The following RPTOR variants were observed in gnomAD, a reference collection of about 807,000 sequenced individuals.
RPTOR encodes the protein regulatory associated protein of MTOR complex 1.
RPTOR carries 21 observed loss-of-function variants against 169.9 expected under a neutral mutation model. That is an observed-to-expected ratio of 0.12 (90% CI 0.09 to 0.18). The LOEUF (loss-of-function observed/expected upper bound fraction) is 0.18. Among genes scored for constraint, RPTOR ranks in the 10% least tolerant of loss-of-function variants. The pLI, the probability that RPTOR is intolerant of heterozygous loss-of-function variation, is 1.00. For synonymous variants in RPTOR, 732 were observed against 753.2 expected (o/e 0.97, Z 0.46); for missense variants, 1,133 against 1,855.9 (o/e 0.61, Z 7.16).
At chr17:80,948,254 T>C (rs369557530) in intron 27 of RPTOR, among the ~76,000 whole-genome samples, 11 of 152,266 alleles carry the variant, frequency 7.2e-5, no homozygotes, top group African/African-American at 2.7e-4. Context: ...CGCAGCCCTC[T>C]CAACGCGGTT....
At chr17:80,732,326 T>A (rs1015497004) in intron 5 of RPTOR, among the ~76,000 whole-genome samples, 1 of 152,162 alleles carries the variant, frequency 6.6e-6, no homozygotes, top group African/African-American at 2.4e-5. Context: ...CCGCTCCCCT[T>A]TCAGCAGAAG....
chr17:80,665,589 G>C (rs557962957), intron 3 of RPTOR, among the ~76,000 whole-genome samples: 11 of 149,396 alleles, frequency 7.4e-5, no homozygotes, highest in African/African-American at 2.5e-4. Context: ...CTGTCACCCA[G>C]GCTGGAGTGC....
At position 80,892,868 on chromosome 17, in the gene RPTOR, A is replaced by G. The variant is rs1354013594; in HGVS notation, c.2241A>G (p.Glu747=). Residue 747 remains glutamate, a splice_region_variant and synonymous_variant, in exon 19 of 34, where the codon GAA becomes GAG. Coordinates refer to ENST00000306801, the MANE Select transcript of RPTOR (RefSeq NM_020761.3). ...TGCAGAACCTGAGTTTGACAGAGGA[A>G]TGTAAGATCCTGGAAATCGGGTTAT... ...KSLQNLSLTE[E]SGGAVAFSPG... is the part of the protein sequence containing the mutation. 3 of 1,613,408 alleles carry G rather than the reference A, an allele frequency of 1.9e-6. No homozygotes were observed. In the East Asian group the frequency reaches 6.7e-5, roughly 36 times the overall value.
At chr17:80,749,637 C>T (rs1167295127) in intron 5 of RPTOR, among the ~76,000 whole-genome samples, 3 of 152,106 alleles carry the variant, frequency 2.0e-5, no homozygotes, top group African/African-American at 7.2e-5. Flanking sequence ...GCCTGCTGCT[C>T]AGTTCTCAGG....
intron 5 of RPTOR, among the ~76,000 whole-genome samples, chr17:80,742,572 A>G (rs566270097): frequency 7.0e-6 from 1 of 142,080 alleles, no homozygotes; most frequent in South Asian, 2.2e-4. Flanking sequence ...ATGTATGCAC[A>G]CACATAGACA....
chr17:80,947,170 G>C lies in RPTOR; in HGVS notation c.3141-57G>C. 1 of 1,486,624 alleles carries C rather than the reference G, an allele frequency of 6.7e-7. No homozygotes were observed. Among genetic ancestry groups the C allele is most frequent in the Non-Finnish European group, 9.0e-7 (1 of 1,117,082 alleles). The allele number at this position is 1,486,624 out of a possible 1,614,324, so 92.1% of individuals were successfully genotyped here. ...GGTGGGTTTCAGGAGGTATCTCACT[G>C]TCATTTGGGTTTGCAGTTTCCTAAT... is the stretch of plus-strand genomic sequence containing the variant. On this transcript the variant is annotated intron_variant, in intron 26 of 33. Transcript: ENST00000306801. The surrounding 1 kb of genome is among the most constrained non-coding windows in gnomAD (Gnocchi z 4.4).
chr17:80,939,880 CA>C (rs1046647458), intron 24 of RPTOR, among the ~76,000 whole-genome samples: 11 of 152,224 alleles, frequency 7.2e-5, no homozygotes, highest in Non-Finnish European at 1.3e-4. Context: ...AGGCGTTTCC[CA>C]AGGCCCTGGT....
chr17:80,892,555 G>A (rs565109043), intron 18 of RPTOR, among the ~76,000 whole-genome samples, 174 bp from the exon 19 acceptor site: 2 of 152,334 alleles, frequency 1.3e-5, no homozygotes, highest in African/African-American at 4.8e-5. Context: ...GTGCTATCCC[G>A]CAGAGCCTCC....
intron 7 of RPTOR, 133 bp from the exon 8 acceptor site, chr17:80,822,068 A>C (rs9911574): frequency 3.9e-6 from 3 of 770,562 alleles, no homozygotes; most frequent in African/African-American, 3.4e-5. Flanking sequence ...GCCGTGCGCC[A>C]AGCTTCTGCT....
intron 3 of RPTOR, among the ~76,000 whole-genome samples, chr17:80,700,730 A>G (rs202224654): frequency 0.19 from 473 of 2,556 alleles, 76 homozygotes; most frequent in Non-Finnish European, 0.19. Context: ...GGTGGTGGTG[A>G]TGATGGTGGT....
intron 7 of RPTOR, among the ~76,000 whole-genome samples, chr17:80,811,840 C>A (rs185395044): frequency 9.2e-4 from 119 of 129,986 alleles, no homozygotes; most frequent in African/African-American, 2.9e-3. Context: ...GCCTCTCCAA[C>A]AAGGCCTCAA....
At chr17:80,911,212 G>A (rs1275648234) in intron 21 of RPTOR, among the ~76,000 whole-genome samples, 8 of 152,108 alleles carry the variant, frequency 5.3e-5, no homozygotes, top group African/African-American at 1.4e-4. Context: ...ATTCTGCACC[G>A]GCCTCCCCTC....
At chr17:80,819,465 T>TG (rs1373303000) in intron 7 of RPTOR, among the ~76,000 whole-genome samples, 1 of 152,244 alleles carries the variant, frequency 6.6e-6, no homozygotes, top group Admixed American at 6.5e-5. Context: ...TCGTGGTTGT[T>TG]GCGTGGTTTG....
rs188873151 is a variant in RPTOR at position 80,894,446 on chromosome 17, C to T, written c.2401+581C>T. Among the ~76,000 whole-genome samples the T allele has an allele frequency of 1.8e-3, 269 of 152,328 alleles. 1 individual carries two copies. Among genetic ancestry groups the T allele is most frequent in the African/African-American group, 6.3e-3 (260 of 41,562 alleles). ...CTTTCCCTCCATCCCAGCAGCTTGA[C>T]GCAGCACTGCCTGGAAATGGAAATC... On this transcript the variant is annotated intron_variant, in intron 20 of 33. Coordinates refer to ENST00000306801, the MANE Select transcript of RPTOR (RefSeq NM_020761.3).
chr17:80,678,164 A>G (rs1282859168), intron 3 of RPTOR, among the ~76,000 whole-genome samples: 2 of 152,258 alleles, frequency 1.3e-5, no homozygotes, highest in Non-Finnish European at 2.9e-5. Context: ...GGCTCTGTCC[A>G]CCTTGGGTTG....
chr17:80,865,964 A>G (rs1178012520), intron 13 of RPTOR, among the ~76,000 whole-genome samples: 1 of 152,182 alleles, frequency 6.6e-6, no homozygotes. Context: ...ACTCAAATCA[A>G]TAATAGATAG....
At chr17:80,953,206 T>C (rs1417068144) in intron 28 of RPTOR, among the ~76,000 whole-genome samples, 1 of 152,152 alleles carries the variant, frequency 6.6e-6, no homozygotes, top group Non-Finnish European at 1.5e-5. Flanking sequence ...TTTATCTAGT[T>C]CCAGAAGATT....
chr17:80,902,089 G>A (rs899973915), intron 20 of RPTOR, among the ~76,000 whole-genome samples: 7 of 152,008 alleles, frequency 4.6e-5, no homozygotes, highest in Non-Finnish European at 7.4e-5. Flanking sequence ...TCAGCCCTTC[G>A]TCTGGCCTGA....
chr17:80,880,118 G>A (rs912607647), intron 13 of RPTOR, among the ~76,000 whole-genome samples: 2 of 152,186 alleles, frequency 1.3e-5, no homozygotes, highest in African/African-American at 2.4e-5. Flanking sequence ...CTGGAGAGGA[G>A]CGGGGTGCAG....
Sources: gnomAD v4.1 joint callset for allele counts (sites outside exome capture counted in the v4.1 genomes callset) on GRCh38, gnomAD v4.1.1 for gene constraint, Gnocchi (gnomAD v3.1) non-coding constraint, MANE v1.5 for transcripts, NCBI Gene and HGNC (gene_info 2026-07-23, HGNC 2026-07-21) for gene names.